The following EYS variants were observed in gnomAD, a reference collection of about 807,000 sequenced individuals.
The protein encoded by EYS is EGF-like photoreceptor maintenance factor, also known as protein eyes shut homolog.
A neutral mutation model predicts 282.1 loss-of-function variants in EYS; 250 were observed. The observed-to-expected ratio is 0.89, with a 90% CI of 0.80 to 0.98. The LOEUF is 0.98. Ranked by LOEUF, EYS falls within the 50% of genes least tolerant of loss-of-function variation. The pLI is 0.00. For synonymous variants in EYS, 1,355 were observed against 1,282.9 expected, an observed-to-expected ratio of 1.06 and a Z score of -1.20; for missense variants, 4,016 against 3,709.0, an observed-to-expected ratio of 1.08 and a Z score of -2.15.
chr6:64,642,499 A>G (rs541459986), intron 22 of EYS, among the ~76,000 whole-genome samples: 1 of 152,304 alleles, frequency 6.6e-6, no homozygotes, highest in East Asian at 1.9e-4. Context: ...GTGAGTGAAG[A>G]TGAGAGATAT....
chr6:63,880,965 G>A (rs532419970), intron 35 of EYS, among the ~76,000 whole-genome samples: 2 of 152,040 alleles, frequency 1.3e-5, no homozygotes, highest in Non-Finnish European at 2.9e-5. Flanking sequence ...TAACCTTATG[G>A]ATGGTAAAGG....
chr6:65,378,844 T>C (rs778693646), intron 8 of EYS, among the ~76,000 whole-genome samples: 1 of 151,490 alleles, frequency 6.6e-6, no homozygotes, highest in Non-Finnish European at 1.5e-5. Context: ...TGAGAACACA[T>C]GGAGACAGGG....
intron 35 of EYS, among the ~76,000 whole-genome samples, chr6:63,982,778 T>C (rs1351779427): frequency 2.0e-5 from 3 of 151,678 alleles, no homozygotes; most frequent in African/African-American, 7.3e-5. Flanking sequence ...TGCAGGGCCA[T>C]AGTAGGGTAT....
chr6:63,921,576 G>C (rs1255144817), intron 35 of EYS, among the ~76,000 whole-genome samples: 3 of 152,160 alleles, frequency 2.0e-5, no homozygotes, highest in Non-Finnish European at 4.4e-5. Context: ...TCGATCTTTG[G>C]GACTTTGGGC....
chr6:63,979,812 G>T (rs1191864835), intron 35 of EYS, among the ~76,000 whole-genome samples: 2 of 151,868 alleles, frequency 1.3e-5, no homozygotes, highest in African/African-American at 2.4e-5. Context: ...AACCACAGGG[G>T]TTTGAAAATT....
Position 65,443,286 on chromosome 6 carries a change from G to A in EYS, c.863-37919C>T, listed in dbSNP as rs376072900. 3.1e-5 allele frequency among the ~76,000 whole-genome samples: 3 copies of A among 96,110 alleles called. 1 individual carries two copies. Among genetic ancestry groups the A allele is most frequent in the Non-Finnish European group, 7.7e-5 (3 of 38,890 alleles). 63.1% of individuals were successfully genotyped at this position (96,110 alleles called of 152,430 possible). On this transcript the variant is annotated intron_variant, in intron 5 of 42. Coordinates refer to ENST00000503581, the MANE Select transcript of EYS (RefSeq NM_001142800.2). The stretch of plus-strand genomic sequence containing the variant: ...TGCAAACATATAGACATGTATGCAT[G>A]CATATATGCATACATGTGTGTACAC...
chr6:64,519,236 C>T (rs777484507), intron 26 of EYS, among the ~76,000 whole-genome samples: 3 of 151,480 alleles, frequency 2.0e-5, no homozygotes, highest in Non-Finnish European at 4.4e-5. Context: ...ACCAGGAGAA[C>T]GGCACCTGCG....
At chr6:65,291,191 T>C (rs1768515339) in intron 12 of EYS, among the ~76,000 whole-genome samples, 1 of 151,548 alleles carries the variant, frequency 6.6e-6, no homozygotes, top group Non-Finnish European at 1.5e-5. Context: ...AAATTTCACA[T>C]TGTAAGCACT....
chr6:65,043,804 T>G (rs556833203), intron 13 of EYS, among the ~76,000 whole-genome samples: 2 of 151,664 alleles, frequency 1.3e-5, no homozygotes, highest in Non-Finnish European at 3.0e-5. Flanking sequence ...CTTAGGTTGA[T>G]TCCATCTCCT....
chr6:64,133,208 C>T (rs962224438), intron 31 of EYS, among the ~76,000 whole-genome samples: 1 of 151,938 alleles, frequency 6.6e-6, no homozygotes, highest in Non-Finnish European at 1.5e-5. Context: ...CTCTTGTTCA[C>T]ATTTTTTATT....
intron 29 of EYS, among the ~76,000 whole-genome samples, chr6:64,332,708 G>A (rs140676376): frequency 1.3e-5 from 2 of 152,166 alleles, no homozygotes; most frequent in Non-Finnish European, 2.9e-5. Flanking sequence ...GTCGGTCCAC[G>A]CACAGCTGAA....
At chr6:65,253,636 T>G (rs1767383290) in intron 12 of EYS, among the ~76,000 whole-genome samples, 2 of 151,876 alleles carry the variant, frequency 1.3e-5, no homozygotes, top group Admixed American at 6.6e-5. Context: ...AATATTTTAA[T>G]GAAATTACTC....
At chr6:64,111,362 A>G (rs1319754864) in intron 31 of EYS, among the ~76,000 whole-genome samples, 2 of 152,054 alleles carry the variant, frequency 1.3e-5, no homozygotes, top group African/African-American at 4.8e-5. Context: ...CATAGGAGAA[A>G]AAGAGGCTAT....
chr6:64,930,663 A>C (rs1768689921), intron 15 of EYS, among the ~76,000 whole-genome samples: 1 of 152,132 alleles, frequency 6.6e-6, no homozygotes, highest in South Asian at 2.1e-4. Context: ...ATAGTGCTTC[A>C]TGATTTAAGG....
rs528989438 is a variant in EYS, at chr6:64,945,875, A to G, written c.2299T>C (p.Phe767Leu). ...CACTCATTGGATTCTTGTTCACAAAAATTTCCTTCCCAATCAGATAGGCAC... is the reference window on the plus strand; with the variant it reads ...CACTCATTGGATTCTTGTTCACAAAGATTTCCTTCCCAATCAGATAGGCAC... ...CVCLSDWEGN[F>L]CEQESNECKM... Residue 767 changes from phenylalanine to leucine, a missense_variant, in exon 15 of 43, where the codon TTT becomes CTT. Physicochemically the swap from Phe to Leu is conservative, Grantham distance 22. Transcript: ENST00000503581. 1 of 1,549,100 alleles carries G rather than the reference A, an allele frequency of 6.5e-7. No homozygotes were observed. The highest frequency in any genetic ancestry group is 2.0e-5 in the Admixed American group (1 of 50,930).
At chr6:64,722,250 A>C (rs1205737674) in intron 22 of EYS, among the ~76,000 whole-genome samples, 1 of 152,166 alleles carries the variant, frequency 6.6e-6, no homozygotes, top group African/African-American at 2.4e-5. Context: ...TAATAAAGTC[A>C]AAAGATATTT....
intron 14 of EYS, among the ~76,000 whole-genome samples, chr6:64,966,663 G>A (rs2064701): frequency 0.15 from 22,698 of 152,074 alleles, 1,765 homozygotes; most frequent in East Asian, 0.24. Context: ...CATCTGTAAA[G>A]ACAACAGTGT....
rs911727499 is a variant in EYS, at chr6:64,626,312, T to G, written c.3444-67A>C. 3 of 1,476,510 alleles carry G rather than the reference T, an allele frequency of 2.0e-6. No homozygotes were observed. The African/African-American group carries it at 4.3e-5, about 21-fold the overall frequency. The allele number at this position is 1,476,510 out of a possible 1,614,324, so 91.5% of individuals were successfully genotyped here. On this transcript the variant is annotated intron_variant, in intron 22 of 42. Coordinates refer to ENST00000503581, the MANE Select transcript of EYS (RefSeq NM_001142800.2). ...ACATGAGCACTATCACTTTTCATCT[T>G]GGGATTCCATCATTCAAACGTGTTT...
intron 13 of EYS, among the ~76,000 whole-genome samples, chr6:65,040,773 C>T (rs955167505): frequency 1.3e-5 from 2 of 151,598 alleles, no homozygotes; most frequent in African/African-American, 4.8e-5. Flanking sequence ...TAAGGAAGCC[C>T]AAGCTAGTCA....
Sources: allele counts gnomAD v4.1 joint callset (sites outside exome capture counted in the v4.1 genomes callset), GRCh38; gene constraint gnomAD v4.1.1; transcripts MANE v1.5; gene names NCBI Gene and HGNC (gene_info 2026-07-23, HGNC 2026-07-21).